Variants in MTA3 observed in about 807,000 individuals in gnomAD.
MTA3 encodes metastasis associated 1 family member 3.
Under a neutral mutation model 83.5 loss-of-function variants are expected in MTA3, and 34 were observed. The observed-to-expected ratio is 0.41, with a 90% CI of 0.31 to 0.54. MTA3 has a LOEUF of 0.54. Ranked by LOEUF, MTA3 falls within the 20% of genes least tolerant of loss-of-function variation. The pLI, the probability that MTA3 is intolerant of heterozygous loss-of-function variation, is 0.33. For synonymous variants in MTA3, 303 were observed against 252.7 expected (o/e 1.20, Z -1.89); for missense variants, 761 against 726.4 (o/e 1.05, Z -0.55).
rs1488517408 is a variant in MTA3 at position 42,511,803 on chromosome 2, C to T, written c.-141+16549C>T. ...GGAGGCTAAGGCGGGCGGATCACAA[C>T]GTCAGGAGATTGAGACCATCCTAGC... On this transcript the variant is annotated intron_variant, in intron 2 of 17. Coordinates refer to the MTA3 transcript ENST00000405592. The T allele has an allele frequency of 4.6e-5, 7 of 152,280 alleles. No individual in the cohort carries two copies. In the South Asian group the frequency reaches 1.0e-3, roughly 23 times the overall value. 9.4% of individuals were successfully genotyped at this position (152,280 alleles called of 1,614,324 possible).
At chr2:42,494,798 G>C (rs1255224313) in exon 1 of MTA3, 1 of 152,498 alleles carries the variant, frequency 6.6e-6, no homozygotes, top group Non-Finnish European at 1.5e-5. Context: ...AAAATATCTT[G>C]ATTTCCCCCG....
At chr2:42,668,862 A>C (rs1690528949) in intron 8 of MTA3, among the ~76,000 whole-genome samples, 1 of 152,170 alleles carries the variant, frequency 6.6e-6, no homozygotes, top group Admixed American at 6.5e-5. Flanking sequence ...TTTTTTCAAA[A>C]AAAAATTTCC....
intron 2 of MTA3, among the ~76,000 whole-genome samples, chr2:42,514,934 T>C (rs1228282645): frequency 1.3e-5 from 2 of 151,266 alleles, no homozygotes; most frequent in Non-Finnish European, 2.9e-5. Context: ...CAAGCGATTG[T>C]CCTGCCTTGA....
intron 3 of MTA3, among the ~76,000 whole-genome samples, chr2:42,606,418 G>A (rs899416673): frequency 1.3e-5 from 2 of 151,616 alleles, no homozygotes; most frequent in South Asian, 2.1e-4. Flanking sequence ...TCACCTCCCA[G>A]ACGGGGCGGC....
intron 8 of MTA3, among the ~76,000 whole-genome samples, chr2:42,673,761 C>A (rs1691064612): frequency 6.6e-6 from 1 of 152,142 alleles, no homozygotes; most frequent in African/African-American, 2.4e-5. Context: ...AAAAGCTGGG[C>A]CTTTACAGCC....
chr2:42,531,870 C>G (rs1675989645), intron 2 of MTA3, among the ~76,000 whole-genome samples: 1 of 152,084 alleles, frequency 6.6e-6, no homozygotes, highest in South Asian at 2.1e-4. Flanking sequence ...CATTCTCCCG[C>G]CTCAGCCTCC....
At chr2:42,675,364 G>C (rs1691245112) in intron 8 of MTA3, among the ~76,000 whole-genome samples, 1 of 152,044 alleles carries the variant, frequency 6.6e-6, no homozygotes, top group South Asian at 2.1e-4. Context: ...TTAAACTCCT[G>C]ACCTCGTGGT....
rs143277602 is a variant in MTA3 at position 42,608,901 on chromosome 2, A to C, written c.191-557A>C. 1.0e-3 allele frequency among the ~76,000 whole-genome samples: 158 copies of C among 152,178 alleles called. 1 individual carries two copies. Among genetic ancestry groups the C allele is most frequent in the African/African-American group, 3.6e-3 (148 of 41,498 alleles). On this transcript the variant is annotated intron_variant, in intron 3 of 16. Transcript: ENST00000405094. Reference sequence around the variant, plus strand: ...CTATCTCCGAAAAAAAAGTGAATTAATTTTTAAATTGATATGTAATATTTG... The same window carrying C: ...CTATCTCCGAAAAAAAAGTGAATTACTTTTTAAATTGATATGTAATATTTG...
intron 2 of MTA3, among the ~76,000 whole-genome samples, chr2:42,531,836 A>C (rs1435312538): frequency 6.6e-6 from 1 of 151,050 alleles, no homozygotes; most frequent in East Asian, 1.9e-4. Context: ...GGCTCACTGC[A>C]AGCTCCGCCT....
chr2:42,579,310 C>T, intron 3 of MTA3, 110 bp downstream of exon 3: 1 of 783,026 alleles, frequency 1.3e-6, no homozygotes, highest in Non-Finnish European at 2.0e-6. Context: ...CATTTATCTT[C>T]TTTGTAGTTT....
intron 4 of MTA3, among the ~76,000 whole-genome samples, chr2:42,633,942 T>C (rs1686938969): frequency 6.6e-6 from 1 of 152,154 alleles, no homozygotes; most frequent in South Asian, 2.1e-4. Context: ...TAAATGTTTG[T>C]TACCAAGATA....
intron 3 of MTA3, among the ~76,000 whole-genome samples, chr2:42,604,367 C>A (rs1682969976): frequency 6.6e-6 from 1 of 152,212 alleles, no homozygotes; most frequent in Admixed American, 6.5e-5. Flanking sequence ...TAAGTTTAGT[C>A]TCCCATCCAC....
chr2:42,513,998 G>C (rs1675020227), intron 2 of MTA3, among the ~76,000 whole-genome samples: 3 of 152,200 alleles, frequency 2.0e-5, no homozygotes, highest in African/African-American at 4.8e-5. Flanking sequence ...TGGATCACCT[G>C]AGGTCAGGAG....
At chr2:42,703,419 G>C (rs1665770153) in intron 11 of MTA3, 2 of 152,274 alleles carry the variant, frequency 1.3e-5, no homozygotes, top group South Asian at 4.1e-4. Flanking sequence ...TGCTAAGCGT[G>C]TGGCTTTTGT....
chr2:42,715,879 A>G (rs1666990095), intron 14 of MTA3, among the ~76,000 whole-genome samples: 2 of 152,236 alleles, frequency 1.3e-5, no homozygotes, highest in Admixed American at 6.5e-5. Flanking sequence ...CATTGAGGAA[A>G]TAACCAAGAT....
intron 2 of MTA3, among the ~76,000 whole-genome samples, chr2:42,534,559 C>T (rs907364699): frequency 3.3e-5 from 5 of 151,596 alleles, no homozygotes; most frequent in East Asian, 1.9e-4. Flanking sequence ...ATCGAGCCAC[C>T]GCACTCCAGC....
chr2:42,714,097 G>A (rs1473453010), intron 14 of MTA3, among the ~76,000 whole-genome samples: 1 of 152,120 alleles, frequency 6.6e-6, no homozygotes, highest in Non-Finnish European at 1.5e-5. Context: ...TGAAACCCGT[G>A]ACTAATTGAC....
At chr2:42,693,786 C>T (rs1573645876) in intron 9 of MTA3, among the ~76,000 whole-genome samples, 1 of 152,318 alleles carries the variant, frequency 6.6e-6, no homozygotes, top group East Asian at 1.9e-4. Flanking sequence ...CAACAACATC[C>T]CTTTACTTTT....
Position 42,753,419 on chromosome 2 carries a change from A to C in MTA3, c.*20A>C. 4 of 1,550,498 alleles carry C rather than the reference A, an allele frequency of 2.6e-6. No individual in the cohort carries two copies. Among genetic ancestry groups the C allele is most frequent in the Non-Finnish European group, 3.5e-6 (4 of 1,146,934 alleles). ...GACTGAGCTTTCCCTGATTCATTCT[A>C]CAATCCAAGACTTGCTGCACTGTCC... On this transcript the variant is annotated 3_prime_UTR_variant, in exon 17 of 17. Coordinates refer to ENST00000405094, the MANE Select transcript of MTA3 (RefSeq NM_001330442.2).
Sources: allele counts gnomAD v4.1 joint callset (sites outside exome capture counted in the v4.1 genomes callset), GRCh38; gene constraint gnomAD v4.1.1; transcripts MANE v1.5; gene names NCBI Gene and HGNC (gene_info 2026-07-23, HGNC 2026-07-21).